The following SEMA3A variants were observed in gnomAD, a reference collection of about 807,000 sequenced individuals.
SEMA3A encodes semaphorin-3A.
SEMA3A carries 29 observed loss-of-function variants against 97.9 expected under a neutral mutation model. That is an observed-to-expected ratio of 0.30 (90% confidence interval 0.22 to 0.40). The LOEUF (loss-of-function observed/expected upper bound fraction) is 0.40. SEMA3A is among the 10% of genes least tolerant of loss of function. The pLI, the probability that SEMA3A is intolerant of heterozygous loss-of-function variation, is 1.00. For synonymous variants in SEMA3A, 321 were observed against 323.7 expected, an observed-to-expected ratio of 0.99 and a Z score of 0.09; for missense variants, 763 against 951.3, an observed-to-expected ratio of 0.80 and a Z score of 2.60.
intron 4 of SEMA3A, among the ~76,000 whole-genome samples, chr7:84,103,742 A>G (rs1368112482): frequency 1.3e-5 from 2 of 151,692 alleles, no homozygotes; most frequent in Non-Finnish European, 2.9e-5. Flanking sequence ...AAATGAAAAT[A>G]AAAATAAAAC....
chr7:84,134,527 T>A (rs1397483465), intron 2 of SEMA3A, among the ~76,000 whole-genome samples: 1 of 152,182 alleles, frequency 6.6e-6, no homozygotes, highest in South Asian at 2.1e-4. Flanking sequence ...GTATTTACTT[T>A]TATGTAGGAA....
chr7:84,095,358 C>CATATATATATATATATATATATATAT (rs200107086), intron 4 of SEMA3A, among the ~76,000 whole-genome samples: 6 of 122,884 alleles, frequency 4.9e-5, no homozygotes, highest in East Asian at 2.2e-4. Context: ...TTTTTATATA[C>CATATATATATATATATATATATATAT]ATATATATAT....
intron 3 of SEMA3A, among the ~76,000 whole-genome samples, chr7:84,225,413 A>G (rs1444798086): frequency 2.6e-5 from 4 of 152,084 alleles, no homozygotes; most frequent in Non-Finnish European, 5.9e-5. Context: ...CAGTTTATCT[A>G]TTTAGAGAAA....
intron 1 of SEMA3A, among the ~76,000 whole-genome samples, chr7:84,400,244 A>G (rs2116206839): frequency 6.6e-6 from 1 of 152,246 alleles, no homozygotes; most frequent in African/African-American, 2.4e-5. Context: ...GAATGTCCAC[A>G]AGCATCAAGG....
chr7:83,981,653 A>G (rs1465204116), intron 13 of SEMA3A, among the ~76,000 whole-genome samples, 175 bp from the exon 14 acceptor site: 2 of 152,188 alleles, frequency 1.3e-5, no homozygotes, highest in Non-Finnish European at 2.9e-5. Flanking sequence ...GCAGTTTAAA[A>G]TGGAGCAAGA....
intron 3 of SEMA3A, among the ~76,000 whole-genome samples, chr7:84,220,839 G>T (rs936203827): frequency 6.6e-6 from 1 of 152,116 alleles, no homozygotes; most frequent in Non-Finnish European, 1.5e-5. Context: ...GATTTAGCAT[G>T]ATTCTTAAGG....
At chr7:84,277,740 C>T (rs1196034390) in intron 3 of SEMA3A, among the ~76,000 whole-genome samples, 3 of 152,080 alleles carry the variant, frequency 2.0e-5, no homozygotes, top group African/African-American at 4.8e-5. Context: ...GCAGGGCAAT[C>T]GGGTCCTAGG....
intron 3 of SEMA3A, among the ~76,000 whole-genome samples, chr7:84,206,838 A>G (rs1198153643): frequency 1.8e-3 from 47 of 25,880 alleles, no homozygotes; most frequent in Non-Finnish European, 5.2e-3. Context: ...AGGATATGGT[A>G]AAAAAAAAAA....
At chr7:83,985,700 G>GT (rs1173308525) in intron 12 of SEMA3A, among the ~76,000 whole-genome samples, 1 of 152,184 alleles carries the variant, frequency 6.6e-6, no homozygotes, top group Non-Finnish European at 1.5e-5. Flanking sequence ...CTACATACCT[G>GT]TAGTTGACCA....
intron 4 of SEMA3A, among the ~76,000 whole-genome samples, chr7:84,067,644 T>C (rs2115734704): frequency 6.6e-6 from 1 of 152,260 alleles, no homozygotes; most frequent in East Asian, 1.9e-4. Flanking sequence ...AAAGAAGACA[T>C]TTATGCAGCC....
intron 3 of SEMA3A, among the ~76,000 whole-genome samples, chr7:84,282,727 T>C (rs900821582): frequency 6.6e-6 from 1 of 151,976 alleles, no homozygotes; most frequent in Non-Finnish European, 1.5e-5. Flanking sequence ...TAAAATAAAT[T>C]TTGGGGCCGG....
intron 3 of SEMA3A, among the ~76,000 whole-genome samples, chr7:84,111,735 C>A (rs1178024899): frequency 6.6e-6 from 1 of 152,108 alleles, no homozygotes; most frequent in African/African-American, 2.4e-5. Flanking sequence ...AACATAATTT[C>A]TTCCACTGTT....
At chr7:84,152,953 T>G (rs548207760) in intron 1 of SEMA3A, among the ~76,000 whole-genome samples, 2 of 152,238 alleles carry the variant, frequency 1.3e-5, no homozygotes, top group African/African-American at 4.8e-5. Flanking sequence ...ATAACTGTTA[T>G]TTTATCATTT....
At chr7:84,224,087 T>C (rs1195053463) in intron 3 of SEMA3A, among the ~76,000 whole-genome samples, 1 of 151,928 alleles carries the variant, frequency 6.6e-6, no homozygotes, top group Non-Finnish European at 1.5e-5. Context: ...CAAAATGAAT[T>C]ATAATTTTCT....
intron 6 of SEMA3A, among the ~76,000 whole-genome samples, chr7:84,043,120 A>C (rs779956216): frequency 6.6e-6 from 1 of 152,038 alleles, no homozygotes; most frequent in Non-Finnish European, 1.5e-5. Context: ...TATAACATTT[A>C]GAAACCCTAA....
Position 84,133,886 on chromosome 7 carries a change from T to TAA in SEMA3A, c.270+906_270+907dup, listed in dbSNP as rs60263065. The stretch of plus-strand genomic sequence containing the variant: ...TAACACGGTGAAACCTCGTCTCTAC[T>TAA]AAAAAAAAAAAAAAAAAAAAAAAAA... On this transcript the variant is annotated intron_variant, in intron 2 of 16. Coordinates refer to ENST00000265362, the MANE Select transcript of SEMA3A (RefSeq NM_006080.3). Among the ~76,000 whole-genome samples, 336 of 78,846 alleles carry TAA rather than the reference T, an allele frequency of 4.3e-3. 2 individuals carry two copies. Among genetic ancestry groups the TAA allele is most frequent in the Non-Finnish European group, 5.6e-3 (225 of 40,010 alleles). 51.7% of individuals were successfully genotyped at this position (78,846 alleles called of 152,430 possible). A position where few individuals can be genotyped will look rare whatever the true frequency, so the allele number is the denominator to read the frequency against.
At chr7:84,030,987 G>GTTTTT (rs10615974) in intron 6 of SEMA3A, among the ~76,000 whole-genome samples, 61 of 95,002 alleles carry the variant, frequency 6.4e-4, no homozygotes, top group African/African-American at 1.4e-3. Context: ...TTTTGGTCAA[G>GTTTTT]TTTTTTTTTT....
chr7:84,451,184 T>C (rs1335742829), intron 1 of SEMA3A, among the ~76,000 whole-genome samples: 4 of 152,190 alleles, frequency 2.6e-5, no homozygotes, highest in Non-Finnish European at 4.4e-5. Context: ...GAGTTTTGTG[T>C]GTGATATAAG....
intron 3 of SEMA3A, among the ~76,000 whole-genome samples, chr7:84,116,642 C>G (rs4732544): frequency 0.49 from 74,076 of 151,920 alleles, 19,213 homozygotes; most frequent in East Asian, 0.69. Context: ...CTAATCCAAA[C>G]TGGCTGGTGT....
Sources: gnomAD v4.1 joint callset for allele counts (sites outside exome capture counted in the v4.1 genomes callset) on GRCh38, gnomAD v4.1.1 for gene constraint, MANE v1.5 for transcripts, NCBI Gene and HGNC (gene_info 2026-07-23, HGNC 2026-07-21) for gene names.